Variants in HIRIP3 observed in about 807,000 individuals in gnomAD.
HIRIP3 encodes HIRA-interacting protein 3.
Under a neutral mutation model 50.3 loss-of-function variants are expected in HIRIP3, and 40 were observed. That is an observed-to-expected ratio of 0.79 (90% CI 0.62 to 1.03). The LOEUF (loss-of-function observed/expected upper bound fraction) is 1.03. Ranked by LOEUF, HIRIP3 falls within the 50% of genes least tolerant of loss-of-function variation. HIRIP3 has a pLI of 0.00. For missense variants in HIRIP3, 765 were observed against 705.4 expected (o/e 1.08, Z -0.96); for synonymous variants, 318 against 261.6 (o/e 1.22, Z -2.08).
intron 3 of HIRIP3, 105 bp downstream of exon 3, chr16:29,994,998 C>G: frequency 6.8e-7 from 1 of 1,480,836 alleles, no homozygotes; most frequent in Non-Finnish European, 9.3e-7. Context: ...ACTCACTAGC[C>G]TTGCTCCCTC....
At position 29,994,425 on chromosome 16, in the gene HIRIP3, C is replaced by T; in HGVS notation, c.720G>A (p.Glu240=). The T allele has an allele frequency of 8.7e-6, 14 of 1,613,890 alleles. No individual in the cohort carries two copies. Among genetic ancestry groups the T allele is most frequent in the Non-Finnish European group, 1.2e-5 (14 of 1,179,844 alleles). The change falls in exon 4 of 7, where the codon GAG becomes GAA. Residue 240 remains glutamate (E), a synonymous_variant. Transcript: ENST00000279392. ...CTTTCTCTTCCTCCTCCACTTCCTCCTCTCTCTGCTCTTTCTTCTGGGCTA... is the reference window on the plus strand; with the variant it reads ...CTTTCTCTTCCTCCTCCACTTCCTCTTCTCTCTGCTCTTTCTTCTGGGCTA... ...EILAQKKEQR[E]EEVEEEEKEE... is the part of the protein sequence containing the mutation.
rs1467450824 is a variant in HIRIP3 at position 29,993,509 on chromosome 16, T to G, written c.1457A>C (p.Glu486Ala). The G allele has an allele frequency of 1.9e-6, 3 of 1,613,822 alleles. No homozygotes were observed. Among genetic ancestry groups the G allele is most frequent in the Middle Eastern group, 1.7e-4 (1 of 6,058 alleles). ...KCRALKEQREEAAEVASLDVA... is the reference protein window; with the variant it reads ...KCRALKEQREAAAEVASLDVA... ...ATCCAAGGAGGCCACCTCAGCTGCC[T>G]CCTCCCTCTGCTCCTTCAGGGCCCG... is the stretch of plus-strand genomic sequence containing the variant. The change falls in exon 6 of 7, where the codon GAG becomes GCG. Residue 486 changes from glutamate (E) to alanine (A), a missense_variant. Coordinates refer to ENST00000279392, the MANE Select transcript of HIRIP3 (RefSeq NM_003609.5).
At chr16:29,995,503 C>G (rs1398187388) in intron 1 of HIRIP3, 38 bp downstream of exon 1, 1 of 1,613,658 alleles carries the variant, frequency 6.2e-7, no homozygotes, top group Non-Finnish European at 8.5e-7. Context: ...CCGACCCACC[C>G]GCGCCCTTTC....
In HIRIP3 at chr16:29,993,355, C is replaced by T. The variant is rs376313895; in HGVS notation, c.1523G>A (p.Arg508His). 24 of 1,551,582 alleles carry T rather than the reference C, an allele frequency of 1.5e-5. No homozygotes were observed. Among genetic ancestry groups the T allele is most frequent in the Non-Finnish European group, 2.0e-5 (23 of 1,144,996 alleles). ...IISGSGRPRR[R>H]TAWNPLGEAA... is the part of the protein sequence containing the mutation. ...TTCTCCTAAAGGGTTCCAGGCTGTACGTCTGCGTGGCCGGCCTAGGGGAAA... is the reference window on the plus strand; with the variant it reads ...TTCTCCTAAAGGGTTCCAGGCTGTATGTCTGCGTGGCCGGCCTAGGGGAAA... Residue 508 changes from arginine (R) to histidine (H), a missense_variant, in exon 7 of 7, where the codon CGT becomes CAT. Physicochemically the swap from Arg to His is conservative, Grantham distance 29. Transcript: ENST00000279392.
chr16:29,995,740 G>C, upstream of HIRIP3: 1 of 1,115,524 alleles, frequency 9.0e-7, no homozygotes, highest in Admixed American at 2.3e-5. Context: ...GCCGCGGACC[G>C]CGTGGGCCGA....
rs2069994748 is a variant in HIRIP3 at position 29,992,442 on chromosome 16, C to T, written c.*765G>A. ...TCAAAGGTGGTCTTCAACCCCTTGA[C>T]CTCTAATTCGTTTTCTTTGCTTTGA... On this transcript the variant is annotated 3_prime_UTR_variant, in exon 7 of 7. Coordinates refer to ENST00000279392, the MANE Select transcript of HIRIP3 (RefSeq NM_003609.5). 1 of 109,638 alleles carries T rather than the reference C, an allele frequency of 9.1e-6. No individual in the cohort carries two copies. Among genetic ancestry groups the T allele is most frequent in the Admixed American group, 8.4e-5 (1 of 11,952 alleles). The allele number at this position is 109,638 out of a possible 1,614,324, so 6.8% of individuals were successfully genotyped here.
chr16:29,993,789 C>G lies in HIRIP3; in HGVS notation c.1259G>C (p.Gly420Ala). 3 of 1,612,078 alleles carry G rather than the reference C, an allele frequency of 1.9e-6. No homozygotes were observed. The highest frequency in any genetic ancestry group is 2.5e-6 in the Non-Finnish European group (3 of 1,179,990). Residue 420 changes from glycine (G) to alanine (A), a missense_variant, in exon 5 of 7, where the codon GGA becomes GCA. Transcript: ENST00000279392. ...CCTCATCACAGCCGGGTGGTCCTCT[C>G]CACGGCGACCTGAGCCAGCCTAGCA... ...KGGKAGSGRR[G>A]EDHPAVMRLK...
upstream of HIRIP3, chr16:29,995,843 G>T: frequency 1.7e-6 from 1 of 602,828 alleles, no homozygotes; most frequent in South Asian, 2.0e-5. Context: ...AAAAGTTCTC[G>T]TTAGAAACCA....
intron 5 of HIRIP3, 34 bp downstream of exon 5, chr16:29,993,604 CCT>C: frequency 6.2e-7 from 1 of 1,611,574 alleles, no homozygotes; most frequent in Non-Finnish European, 8.5e-7. Context: ...GCAGGAAGGC[CCT>C]CTCCTGCAGC....
At chr16:29,994,872 G>A (rs1385820222) in intron 3 of HIRIP3, 29 bp from the exon 4 acceptor site, 3 of 1,569,788 alleles carry the variant, frequency 1.9e-6, no homozygotes, top group South Asian at 1.2e-5. Flanking sequence ...AGAGGGTTGA[G>A]ACAGGCTCCT....
chr16:29,993,229 C>T lies in HIRIP3; in HGVS notation c.1649G>A (p.Ser550Asn). The change falls in exon 7 of 7, where the codon AGC (serine) becomes AAC (asparagine). Residue 550 changes from serine (S) to asparagine (N), a missense_variant. Coordinates refer to ENST00000279392, the MANE Select transcript of HIRIP3 (RefSeq NM_003609.5). ...PDWSHMRGII[S>N]SDGESN ...AGCTCAGTTACTCTCGCCATCACTG[C>T]TGATGATGCCACGCATATGTGACCA... 5.0e-6 allele frequency: 8 copies of T among 1,591,996 alleles called. No homozygotes were observed. The highest frequency in any genetic ancestry group is 6.8e-6 in the Non-Finnish European group (8 of 1,168,800).
At position 29,993,513 on chromosome 16, in the gene HIRIP3, C is replaced by T; in HGVS notation, c.1453G>A (p.Glu485Lys). The T allele has an allele frequency of 1.2e-6, 2 of 1,613,916 alleles. No homozygotes were observed. The highest frequency in any genetic ancestry group is 1.7e-6 in the Non-Finnish European group (2 of 1,179,864). ...GKCRALKEQR[E>K]EAAEVASLDV... ...AAGGAGGCCACCTCAGCTGCCTCCT[C>T]CCTCTGCTCCTTCAGGGCCCGACAC... The change falls in exon 6 of 7, where the codon GAG becomes AAG. Residue 485 changes from glutamate (E) to lysine (K), a missense_variant. Transcript: ENST00000279392.
At position 29,995,265 on chromosome 16, in the gene HIRIP3, C is replaced by G. The variant is rs781551200; in HGVS notation, c.187-48G>C. Reference sequence around the variant, plus strand: ...AACTATGCACCAAGGCTGCGCTCACCGCGCCCCGTCAGGCCCCTCCTCCTC... The same window carrying G: ...AACTATGCACCAAGGCTGCGCTCACGGCGCCCCGTCAGGCCCCTCCTCCTC... On this transcript the variant is annotated intron_variant, in intron 2 of 6. Coordinates refer to ENST00000279392, the MANE Select transcript of HIRIP3 (RefSeq NM_003609.5). 6.8e-6 allele frequency: 11 copies of G among 1,612,896 alleles called. No homozygotes were observed. The South Asian group carries it at 1.1e-4, about 16-fold the overall frequency.
In HIRIP3 at chr16:29,994,850, T is replaced by C; in HGVS notation, c.302-7A>G. 6.3e-7 allele frequency: 1 copy of C among 1,596,454 alleles called. No homozygotes were observed. Among genetic ancestry groups the C allele is most frequent in the Non-Finnish European group, 8.5e-7 (1 of 1,171,598 alleles). On this transcript the variant is annotated splice_polypyrimidine_tract_variant and splice_region_variant and intron_variant, in intron 3 of 6. Transcript: ENST00000279392. ...GAGGCTTCAGAGCCGGACTCTGGAA[T>C]ATGGAGAGGAGAGAGGGTTGAGACA...
rs773062940 is a variant in HIRIP3, at chr16:29,995,561, G to C, written c.45C>G (p.Phe15Leu). ...KEMQEFTRSF[F>L]RGRPDLSTLT... Reference sequence around the variant, plus strand: ...GGCACCTGAGGTCCGGGCGGCCTCGGAAGAAGCTACGGGTGAACTCCTGCA... The same window carrying C: ...GGCACCTGAGGTCCGGGCGGCCTCGCAAGAAGCTACGGGTGAACTCCTGCA... Residue 15 changes from phenylalanine (F) to leucine (L), a missense_variant, in exon 1 of 7, where the codon TTC (phenylalanine) becomes TTG (leucine). Coordinates refer to ENST00000279392, the MANE Select transcript of HIRIP3 (RefSeq NM_003609.5). 6 of 1,612,858 alleles carry C rather than the reference G, an allele frequency of 3.7e-6. No individual in the cohort carries two copies. Among genetic ancestry groups the C allele is most frequent in the Non-Finnish European group, 5.1e-6 (6 of 1,180,024 alleles).
chr16:29,995,930 T>C (rs959026371), upstream of HIRIP3: 42 of 564,500 alleles, frequency 7.4e-5, no homozygotes, highest in Admixed American at 7.2e-4. Flanking sequence ...GGGCAACAGC[T>C]AGGCTGCTGT....
At position 29,994,515 on chromosome 16, in the gene HIRIP3, C is replaced by T. The variant is rs770849284; in HGVS notation, c.630G>A (p.Lys210=). 2.5e-6 allele frequency: 4 copies of T among 1,614,148 alleles called. No individual in the cohort carries two copies. Among genetic ancestry groups the T allele is most frequent in the East Asian group, 2.2e-5 (1 of 44,892 alleles). The part of the protein sequence containing the change: ...EAEPVQRTAK[K]VEGNKGTKSL... Reference sequence around the variant, plus strand: ...TTTTAGTTCCTTTATTTCCCTCCACCTTCTTTGCTGTCCTCTGAACGGGTT... The same window carrying T: ...TTTTAGTTCCTTTATTTCCCTCCACTTTCTTTGCTGTCCTCTGAACGGGTT... The change falls in exon 4 of 7, where the codon AAG becomes AAA. Residue 210 remains lysine (K), a synonymous_variant. Coordinates refer to ENST00000279392, the MANE Select transcript of HIRIP3 (RefSeq NM_003609.5).
chr16:29,995,664 C>T (rs1239269145), upstream of HIRIP3: 1 of 1,587,798 alleles, frequency 6.3e-7, no homozygotes, highest in East Asian at 2.3e-5. Context: ...TCCGTCAGCG[C>T]GTTTGACAGC....
chr16:29,994,925 C>T, intron 3 of HIRIP3, 82 bp from the exon 4 acceptor site: 11 of 1,519,836 alleles, frequency 7.2e-6, no homozygotes, highest in Non-Finnish European at 9.7e-6. Context: ...GCCTCGAGCC[C>T]TGCCCTGACA....
Sources: allele counts gnomAD v4.1 joint callset, GRCh38; gene constraint gnomAD v4.1.1; transcripts MANE v1.5; gene names NCBI Gene and HGNC (gene_info 2026-07-23, HGNC 2026-07-21).